AGPAT4: variants seen among roughly 807,000 people sequenced by gnomAD.
AGPAT4 encodes 1-acylglycerol-3-phosphate O-acyltransferase 4.
Under a neutral mutation model 48.0 loss-of-function variants are expected in AGPAT4, and 15 were observed. The observed-to-expected ratio is 0.31, with a 90% CI of 0.21 to 0.48. AGPAT4 has a LOEUF of 0.48. AGPAT4 is among the 20% of genes least tolerant of loss of function. AGPAT4 has a pLI of 0.99. For synonymous variants in AGPAT4, 178 were observed against 198.7 expected, an observed-to-expected ratio of 0.90 and a Z score of 0.88; for missense variants, 314 against 482.5, an observed-to-expected ratio of 0.65 and a Z score of 3.27.
At chr6:161,210,148 A>G (rs1781484914) in intron 2 of AGPAT4, among the ~76,000 whole-genome samples, 1 of 152,144 alleles carries the variant, frequency 6.6e-6, no homozygotes, top group African/African-American at 2.4e-5. Flanking sequence ...AAAAGATAGG[A>G]AGTCCCTATC....
In AGPAT4 at chr6:161,238,056, G is replaced by A. The variant is rs1438022216; in HGVS notation, c.-89-5754C>T. ...GAAGCCAAGCACTGCTGTGTGTTGG[G>A]GGGCTGGGGGTGGGGGGGTAATGGG... On this transcript the variant is annotated intron_variant, in intron 1 of 8. Coordinates refer to ENST00000320285, the MANE Select transcript of AGPAT4 (RefSeq NM_020133.3). The surrounding 1 kb of genome is among the most constrained non-coding windows in gnomAD (Gnocchi z 5.2). Among the ~76,000 whole-genome samples the A allele has an allele frequency of 6.6e-6, 1 of 150,622 alleles. No individual in the cohort carries two copies. The highest frequency in any genetic ancestry group is 1.5e-5 in the Non-Finnish European group (1 of 67,462).
chr6:161,178,109 TGAG>T lies in AGPAT4; in HGVS notation c.179-11695_179-11693del, dbSNP rs1652684330. Among the ~76,000 whole-genome samples, 1 of 152,192 alleles carries T rather than the reference TGAG, an allele frequency of 6.6e-6. No individual in the cohort carries two copies. The highest frequency in any genetic ancestry group is 1.5e-5 in the Non-Finnish European group (1 of 68,038). The stretch of plus-strand genomic sequence containing the variant: ...GCTACTCGGGGGTCAGGGACCCACT[TGAG>T]GAGGCAGTCTGTCCATTCTCAGATC... On this transcript the variant is annotated intron_variant, in intron 2 of 8. Coordinates refer to ENST00000320285, the MANE Select transcript of AGPAT4 (RefSeq NM_020133.3). The surrounding 1 kb of genome is among the most constrained non-coding windows in gnomAD (Gnocchi z 5.1).
intron 1 of AGPAT4, among the ~76,000 whole-genome samples, chr6:161,263,870 A>G (rs897446177): frequency 1.3e-5 from 2 of 152,240 alleles, no homozygotes; most frequent in Middle Eastern, 3.2e-3. Context: ...AGGAAAGGCA[A>G]GAATATGAAA....
chr6:161,135,025 T>C lies in AGPAT4; in HGVS notation c.*1515A>G, dbSNP rs911124825. On this transcript the variant is annotated 3_prime_UTR_variant, in exon 9 of 9. Transcript: ENST00000320285. ...TCAACAAACAAACAATGCATTATTG[T>C]CCTGTAAGCAGAGGGAGCTTCTCTA... 1 of 152,242 alleles carries C rather than the reference T, an allele frequency of 6.6e-6. No homozygotes were observed. Among genetic ancestry groups the C allele is most frequent in the African/African-American group, 2.4e-5 (1 of 41,456 alleles). 9.4% of individuals were successfully genotyped at this position (152,242 alleles called of 1,614,324 possible).
Position 161,140,865 on chromosome 6 carries a change from G to A in AGPAT4, c.844-1245C>T, listed in dbSNP as rs190824623. ...GCTGCACGTGGCCGATAGCATGCAC[G>A]CCACACAAAAATGGGTGTGGGTCAC... On this transcript the variant is annotated intron_variant, in intron 7 of 8. Transcript: ENST00000320285. This position sits in a 1 kb window ranked among gnomAD's most constrained non-coding sequence, Gnocchi z 6.5. Among the ~76,000 whole-genome samples the A allele has an allele frequency of 2.6e-4, 39 of 152,298 alleles. No individual in the cohort carries two copies. The highest frequency in any genetic ancestry group is 1.2e-3 in the East Asian group (6 of 5,186).
rs915092465 is a variant in AGPAT4 at position 161,266,938 on chromosome 6, T to C, written c.-90+7000A>G. 6.6e-6 allele frequency among the ~76,000 whole-genome samples: 1 copy of C among 152,182 alleles called. No homozygotes were observed. The highest frequency in any genetic ancestry group is 1.5e-5 in the Non-Finnish European group (1 of 68,040). The stretch of plus-strand genomic sequence containing the variant: ...CAAGTCTCCCATTCTCATTTCAGAG[T>C]TGATCTAAGATAAGCACTGGCAGGG... On this transcript the variant is annotated intron_variant, in intron 1 of 8. Transcript: ENST00000320285. This position sits in a 1 kb window ranked among gnomAD's most constrained non-coding sequence, Gnocchi z 6.2.
chr6:161,153,054 G>A (rs956593125), intron 5 of AGPAT4, among the ~76,000 whole-genome samples: 4 of 152,196 alleles, frequency 2.6e-5, no homozygotes, highest in African/African-American at 9.7e-5. Context: ...CCTGGACCCA[G>A]GTTACCCCAT....
chr6:161,139,356 A>T lies in AGPAT4; in HGVS notation c.1042+66T>A. 6.4e-7 allele frequency: 1 copy of T among 1,569,082 alleles called. No individual in the cohort carries two copies. The highest frequency in any genetic ancestry group is 8.7e-7 in the Non-Finnish European group (1 of 1,146,912). On this transcript the variant is annotated intron_variant, in intron 8 of 8. Coordinates refer to ENST00000320285, the MANE Select transcript of AGPAT4 (RefSeq NM_020133.3). The surrounding 1 kb of genome is among the most constrained non-coding windows in gnomAD (Gnocchi z 9.1). ...TGCCTATACAGATGGCCTTCGTCCC[A>T]GCCCTGATGCCACCTCTCCCAGGGT... is the stretch of plus-strand genomic sequence containing the variant.
At position 161,194,629 on chromosome 6, in the gene AGPAT4, T is replaced by G. The variant is rs558044236; in HGVS notation, c.179-28212A>C. Among the ~76,000 whole-genome samples the G allele has an allele frequency of 5.3e-3, 645 of 122,756 alleles. 3 individuals are homozygous for G. Among genetic ancestry groups the G allele is most frequent in the Non-Finnish European group, 7.2e-3 (408 of 56,546 alleles). The allele number at this position is 122,756 out of a possible 152,430, so 80.5% of individuals were successfully genotyped here. On this transcript the variant is annotated intron_variant, in intron 2 of 8. Coordinates refer to ENST00000320285, the MANE Select transcript of AGPAT4 (RefSeq NM_020133.3). ...GTCTATGTATGTGTACATGTGTGTA[T>G]GTGTATGTGTGTATGTGTATGTATG...
In AGPAT4 at chr6:161,236,282, A is replaced by C. The variant is rs1042851160; in HGVS notation, c.-89-3980T>G. 2.6e-5 allele frequency among the ~76,000 whole-genome samples: 4 copies of C among 152,128 alleles called. No homozygotes were observed. Reference sequence around the variant, plus strand: ...TGCCATATTTCTGCGAAAAAAAAAAAGATGTTTCTTACTATCAAGGCCAAA... The same window carrying C: ...TGCCATATTTCTGCGAAAAAAAAAACGATGTTTCTTACTATCAAGGCCAAA... On this transcript the variant is annotated intron_variant, in intron 1 of 8. Transcript: ENST00000320285. The surrounding 1 kb of genome is among the most constrained non-coding windows in gnomAD (Gnocchi z 5.0).
intron 2 of AGPAT4, among the ~76,000 whole-genome samples, chr6:161,174,953 T>C (rs1780388031): frequency 6.6e-6 from 1 of 152,240 alleles, no homozygotes; most frequent in African/African-American, 2.4e-5. Flanking sequence ...TTTATGTTTA[T>C]TGATTTGCAT....
rs541122804 is a variant in AGPAT4, at chr6:161,267,755, G to C, written c.-90+6183C>G. 6.6e-6 allele frequency among the ~76,000 whole-genome samples: 1 copy of C among 152,054 alleles called. No individual in the cohort carries two copies. Among genetic ancestry groups the C allele is most frequent in the Admixed American group, 6.6e-5 (1 of 15,258 alleles). On this transcript the variant is annotated intron_variant, in intron 1 of 8. Transcript: ENST00000320285. The surrounding 1 kb of genome is among the most constrained non-coding windows in gnomAD (Gnocchi z 5.2). ...AAAAGAAAAGAAAAATATTAGCTGG[G>C]CATGTTAGTACACACCTGTAGTCCC...
chr6:161,219,478 T>C lies in AGPAT4; in HGVS notation c.178+12558A>G, dbSNP rs1781744780. Among the ~76,000 whole-genome samples, 3 of 152,038 alleles carry C rather than the reference T, an allele frequency of 2.0e-5. No homozygotes were observed. The highest frequency in any genetic ancestry group is 2.0e-4 in the Admixed American group (3 of 15,236). On this transcript the variant is annotated intron_variant, in intron 2 of 8. Transcript: ENST00000320285. This position sits in a 1 kb window ranked among gnomAD's most constrained non-coding sequence, Gnocchi z 4.9. ...TTGTTTACCTCCTGGAAATATCCACTGCACCATGAAGACCACACACGATCG... is the reference window on the plus strand; with the variant it reads ...TTGTTTACCTCCTGGAAATATCCACCGCACCATGAAGACCACACACGATCG...
At position 161,222,476 on chromosome 6, in the gene AGPAT4, T is replaced by C. The variant is rs1251275045; in HGVS notation, c.178+9560A>G. 1.3e-5 allele frequency among the ~76,000 whole-genome samples: 2 copies of C among 152,192 alleles called. No individual in the cohort carries two copies. On this transcript the variant is annotated intron_variant, in intron 2 of 8. Coordinates refer to ENST00000320285, the MANE Select transcript of AGPAT4 (RefSeq NM_020133.3). The surrounding 1 kb of genome is among the most constrained non-coding windows in gnomAD (Gnocchi z 5.9). ...GTATTAGAATGTACCAAGAGTTTTGTATTGTGCTATTTTTACTTAATAATA... is the reference window on the plus strand; with the variant it reads ...GTATTAGAATGTACCAAGAGTTTTGCATTGTGCTATTTTTACTTAATAATA...
rs974649031 is a variant in AGPAT4 at position 161,202,924 on chromosome 6, C to T, written c.178+29112G>A. Among the ~76,000 whole-genome samples, 1 of 152,128 alleles carries T rather than the reference C, an allele frequency of 6.6e-6. No homozygotes were observed. The highest frequency in any genetic ancestry group is 2.4e-5 in the African/African-American group (1 of 41,412). On this transcript the variant is annotated intron_variant, in intron 2 of 8. Transcript: ENST00000320285. The surrounding 1 kb of genome is among the most constrained non-coding windows in gnomAD (Gnocchi z 5.4). ...TCCAGTTGACAGCCCCAGTTGAGGT[C>T]CCAGCCAACAGCCAACATCAACCTC...
intron 2 of AGPAT4, among the ~76,000 whole-genome samples, chr6:161,168,867 G>T (rs888458396): frequency 1.3e-5 from 2 of 152,132 alleles, no homozygotes; most frequent in African/African-American, 2.4e-5. Context: ...CTTACTAGTT[G>T]TGAGACTTCT....
chr6:161,239,967 T>G (rs1408684572), intron 1 of AGPAT4, among the ~76,000 whole-genome samples: 16 of 152,188 alleles, frequency 1.1e-4, no homozygotes, highest in Admixed American at 1.0e-3. Context: ...CAACCACTAC[T>G]GTTTCCAATG....
At chr6:161,188,547 T>C (rs1201656570) in intron 2 of AGPAT4, among the ~76,000 whole-genome samples, 2 of 152,222 alleles carry the variant, frequency 1.3e-5, no homozygotes, top group Non-Finnish European at 2.9e-5. Context: ...TTACACTTTA[T>C]TTTTTAGCAT....
In AGPAT4 at chr6:161,153,332, G is replaced by A. The variant is rs758987418; in HGVS notation, c.664+14C>T. On this transcript the variant is annotated intron_variant, in intron 5 of 8. Coordinates refer to ENST00000320285, the MANE Select transcript of AGPAT4 (RefSeq NM_020133.3). ...CTGCCACGGGGAGGCCCAGGGCCAC[G>A]CACTCTTCCTTACCTACATTTCTCA... is the stretch of plus-strand genomic sequence containing the variant. 22 of 1,599,784 alleles carry A rather than the reference G, an allele frequency of 1.4e-5. No homozygotes were observed. Among genetic ancestry groups the A allele is most frequent in the African/African-American group, 9.4e-5 (7 of 74,698 alleles).
Sources: gnomAD v4.1 joint callset for allele counts (sites outside exome capture counted in the v4.1 genomes callset) on GRCh38, gnomAD v4.1.1 for gene constraint, Gnocchi (gnomAD v3.1) non-coding constraint, MANE v1.5 for transcripts, NCBI Gene and HGNC (gene_info 2026-07-23, HGNC 2026-07-21) for gene names.